The following ERO1A variants were observed in gnomAD, a reference collection of about 807,000 sequenced individuals.
ERO1A encodes ERO1-like protein alpha.
A neutral mutation model predicts 76.9 loss-of-function variants in ERO1A; 49 were observed. The ratio of observed to expected loss-of-function variants is 0.64; its 90% CI spans 0.51 to 0.81. The LOEUF is 0.81. Ranked by LOEUF, ERO1A falls within the 30% of genes least tolerant of loss-of-function variation. The probability of loss-of-function intolerance (pLI) is 0.00; values close to 1 mark genes in which losing one functional copy is unlikely to be tolerated. For missense variants in ERO1A, 448 were observed against 542.1 expected, an observed-to-expected ratio of 0.83 and a Z score of 1.72; for synonymous variants, 174 against 181.2, an observed-to-expected ratio of 0.96 and a Z score of 0.32.
chr14:52,689,209 C>T (rs1030193027), intron 1 of ERO1A, among the ~76,000 whole-genome samples: 4 of 152,246 alleles, frequency 2.6e-5, no homozygotes, highest in Non-Finnish European at 5.9e-5. Flanking sequence ...CCGCCTCAGC[C>T]TCCCAGAGTG....
At chr14:52,675,308 G>C (rs181984312) in intron 4 of ERO1A, among the ~76,000 whole-genome samples, 2 of 151,744 alleles carry the variant, frequency 1.3e-5, no homozygotes, top group African/African-American at 2.4e-5. Flanking sequence ...GCTTGAACCC[G>C]GGAGGCAGAG....
chr14:52,683,857 T>A lies in ERO1A; in HGVS notation c.165A>T (p.Arg55Ser), dbSNP rs769514008. 1.9e-6 allele frequency: 3 copies of A among 1,587,400 alleles called. No individual in the cohort carries two copies. The highest frequency in any genetic ancestry group is 2.6e-6 in the Non-Finnish European group (3 of 1,160,352). ...DCTCDVETID[R>S]FNNYRLFPRL... ...TTGGGAAAAGCCTGTAGTTATTAAA[T>A]CTATCAATGGTTTCAACATCACAGG... The change falls in exon 2 of 16, where the codon AGA (arginine) becomes AGT (serine). Residue 55 changes from arginine to serine, a missense_variant. Physicochemically the swap from Arg to Ser is moderately radical, Grantham distance 110. Around this residue, in one of 2 missense-constraint regions of ERO1A, gnomAD observed 146 missense variants for 130.2 expected, o/e 1.12. Transcript: ENST00000395686.
intron 11 of ERO1A, among the ~76,000 whole-genome samples, chr14:52,657,192 T>C (rs2040079739): frequency 6.6e-6 from 1 of 152,154 alleles, no homozygotes; most frequent in Admixed American, 6.5e-5. Context: ...AATTTGCATA[T>C]AATAAAAAGT....
chr14:52,671,712 A>G lies in ERO1A; in HGVS notation c.435-9T>C. ...CCTTCTGTGTTTCCTCACTTCAAAC[A>G]AAGAAAAAAAATAACATTATTATTT... On this transcript the variant is annotated splice_polypyrimidine_tract_variant and intron_variant, in intron 5 of 15. Coordinates refer to ENST00000395686, the MANE Select transcript of ERO1A (RefSeq NM_014584.3). 6.3e-7 allele frequency: 1 copy of G among 1,594,820 alleles called. No homozygotes were observed. Among genetic ancestry groups the G allele is most frequent in the South Asian group, 1.2e-5 (1 of 86,860 alleles).
rs564257920 is a variant in ERO1A, at chr14:52,658,060, G to A, written c.716-51C>T. On this transcript the variant is annotated intron_variant, in intron 10 of 15. Transcript: ENST00000395686. ...TAAAATTTCATATGTGAATCTTGTA[G>A]ACATAAAATTAATCTCATGAGAAAA... 6.0e-6 allele frequency: 9 copies of A among 1,500,880 alleles called. No individual in the cohort carries two copies. The South Asian group carries it at 1.1e-4, about 18-fold the overall frequency. 93.0% of individuals were successfully genotyped at this position (1,500,880 alleles called of 1,614,324 possible).
chr14:52,681,376 C>T (rs183778274), intron 3 of ERO1A, among the ~76,000 whole-genome samples: 211 of 151,890 alleles, frequency 1.4e-3, no homozygotes, highest in Middle Eastern at 3.4e-3. Context: ...GGCAGATCAC[C>T]TGAGGTTACC....
At chr14:52,688,745 ACT>A (rs1360944276) in intron 1 of ERO1A, among the ~76,000 whole-genome samples, 3 of 152,172 alleles carry the variant, frequency 2.0e-5, no homozygotes, top group African/African-American at 7.2e-5. Flanking sequence ...TTCTCTGTTG[ACT>A]CTGTTTGATT....
rs1428293192 is a variant in ERO1A, at chr14:52,640,402, G to A, written c.*3168C>T. The A allele has an allele frequency of 6.6e-6, 1 of 152,252 alleles. No homozygotes were observed. The highest frequency in any genetic ancestry group is 1.5e-5 in the Non-Finnish European group (1 of 68,060). The allele number at this position is 152,252 out of a possible 1,614,324, so 9.4% of individuals were successfully genotyped here. On this transcript the variant is annotated 3_prime_UTR_variant, in exon 16 of 16. Coordinates refer to ENST00000395686, the MANE Select transcript of ERO1A (RefSeq NM_014584.3). ...AAAGAGTACAGCATTTACCAAGGCG[G>A]GAGGCCTGGCCAAATGTGGCTTCTG... is the stretch of plus-strand genomic sequence containing the variant.
chr14:52,646,283 T>C lies in ERO1A; in HGVS notation c.1217A>G (p.Gln406Arg). The change falls in exon 15 of 16, where the codon CAG becomes CGG. Residue 406 changes from glutamine to arginine, a missense_variant. Gln to Arg is a conservative substitution (Grantham distance 43). This residue lies in a region of ERO1A where 302 missense variants were observed against 411.9 expected (regional missense o/e 0.73). Coordinates refer to ENST00000395686, the MANE Select transcript of ERO1A (RefSeq NM_014584.3). ...KCRLWGKLQT[Q>R]GLGTALKILF... ...GATCTTCAGAGCAGTGCCCAAACCC[T>C]GAGTCTGTAATAGAAATAAGGAAAA... The C allele has an allele frequency of 6.2e-7, 1 of 1,608,132 alleles. No homozygotes were observed. Among genetic ancestry groups the C allele is most frequent in the Admixed American group, 1.7e-5 (1 of 58,506 alleles).
In ERO1A at chr14:52,683,907, C is replaced by A. The variant is rs1328230939; in HGVS notation, c.115G>T (p.Val39Phe). The A allele has an allele frequency of 1.9e-6, 3 of 1,560,934 alleles. No homozygotes were observed. The highest frequency in any genetic ancestry group is 2.5e-5 in the South Asian group (2 of 80,560). The stretch of plus-strand genomic sequence containing the variant: ...GTACAATCATCCAAGTAACCACTAA[C>A]CTGTTACAAAGAAAATGAAATATTA... ...ETAAQRCFCQ[V>F]SGYLDDCTCD... The change falls in exon 2 of 16, where the codon GTT (valine) becomes TTT (phenylalanine). Residue 39 changes from valine (V) to phenylalanine (F), a missense_variant and splice_region_variant. Transcript: ENST00000395686.
chr14:52,647,478 C>A (rs900158491), intron 13 of ERO1A, among the ~76,000 whole-genome samples: 2 of 152,132 alleles, frequency 1.3e-5, no homozygotes, highest in Admixed American at 1.3e-4. Context: ...CAAGTACAAT[C>A]GAAGCCCCTC....
At chr14:52,668,779 T>C (rs1391357288) in intron 6 of ERO1A, among the ~76,000 whole-genome samples, 1 of 146,580 alleles carries the variant, frequency 6.8e-6, no homozygotes, top group African/African-American at 2.5e-5. Flanking sequence ...AATTATACTA[T>C]AATTATAATT....
chr14:52,671,407 G>A (rs1031990257), intron 6 of ERO1A, among the ~76,000 whole-genome samples: 4 of 152,000 alleles, frequency 2.6e-5, no homozygotes, highest in Admixed American at 1.3e-4. Flanking sequence ...CCGCCAAACC[G>A]TTAGAAACTG....
intron 11 of ERO1A, 152 bp from the exon 12 acceptor site, chr14:52,653,467 T>C: frequency 2.0e-6 from 1 of 506,364 alleles, no homozygotes; most frequent in Non-Finnish European, 3.2e-6. Context: ...CAATTTAGCC[T>C]TTAATAGTTT....
chr14:52,666,345 G>A (rs1874723868), intron 7 of ERO1A, 30 bp downstream of exon 7: 2 of 1,506,088 alleles, frequency 1.3e-6, no homozygotes, highest in African/African-American at 2.8e-5. Flanking sequence ...ACATCTTATA[G>A]GAATTTTTCT....
intron 13 of ERO1A, among the ~76,000 whole-genome samples, chr14:52,650,945 T>C (rs2039841762): frequency 6.6e-6 from 1 of 152,172 alleles, no homozygotes; most frequent in Admixed American, 6.5e-5. Context: ...TGCACGCTGG[T>C]ATTCATAACT....
At chr14:52,684,281 T>G (rs565397638) in intron 1 of ERO1A, among the ~76,000 whole-genome samples, 1 of 152,108 alleles carries the variant, frequency 6.6e-6, no homozygotes, top group Non-Finnish European at 1.5e-5. Context: ...GAATTGAGAA[T>G]AACAGGGAAA....
At chr14:52,666,884 T>C (rs1353772720) in intron 6 of ERO1A, among the ~76,000 whole-genome samples, 1 of 152,210 alleles carries the variant, frequency 6.6e-6, no homozygotes, top group African/African-American at 2.4e-5. Flanking sequence ...TGAGCCGAGA[T>C]TGCGCCACTG....
intron 13 of ERO1A, among the ~76,000 whole-genome samples, chr14:52,650,470 G>T (rs2039818551): frequency 7.1e-6 from 1 of 140,806 alleles, no homozygotes; most frequent in African/African-American, 2.7e-5. Context: ...CAGGCAAGAG[G>T]TACTAATTTT....
Sources: gnomAD v4.1 joint callset for allele counts (sites outside exome capture counted in the v4.1 genomes callset) on GRCh38, gnomAD v4.1.1 for gene constraint, gnomAD v4.1.1 regional missense constraint, MANE v1.5 for transcripts, NCBI Gene and HGNC (gene_info 2026-07-23, HGNC 2026-07-21) for gene names.